The following SPAG16 variants were observed in gnomAD, a reference collection of about 807,000 sequenced individuals.
SPAG16 encodes sperm-associated antigen 16 protein.
In SPAG16, 86 loss-of-function variants were observed where a neutral mutation model predicts 80.4. The observed-to-expected ratio is 1.07, with a 90% CI of 0.90 to 1.28. The LOEUF is 1.28. Ranked by LOEUF, SPAG16 falls within the 50% of genes most tolerant of loss-of-function variation. The pLI, the probability that SPAG16 is intolerant of heterozygous loss-of-function variation, is 0.00. For synonymous variants in SPAG16, 294 were observed against 265.9 expected (o/e 1.11, Z -1.03); for missense variants, 870 against 765.3 (o/e 1.14, Z -1.61).
intron 9 of SPAG16, among the ~76,000 whole-genome samples, chr2:213,405,109 G>C (rs573786335): frequency 1.3e-5 from 2 of 152,090 alleles, no homozygotes; most frequent in Non-Finnish European, 2.9e-5. Context: ...CACTACTGTC[G>C]AGTGTAACAA....
At chr2:213,628,014 A>G (rs2062020343) in intron 10 of SPAG16, among the ~76,000 whole-genome samples, 1 of 152,254 alleles carries the variant, frequency 6.6e-6, no homozygotes, top group Non-Finnish European at 1.5e-5. Context: ...TCAAAGAGAA[A>G]GTAAGACATG....
intron 10 of SPAG16, among the ~76,000 whole-genome samples, chr2:213,704,115 A>G (rs936405283): frequency 1.3e-5 from 2 of 152,202 alleles, no homozygotes; most frequent in East Asian, 3.8e-4. Context: ...CAGCCTTATC[A>G]TCAGAAAGAC....
At chr2:214,037,875 G>A (rs1294330489) in intron 13 of SPAG16, among the ~76,000 whole-genome samples, 183 of 97,196 alleles carry the variant, frequency 1.9e-3, no homozygotes, top group South Asian at 4.7e-3. Context: ...GTGTGTGTGT[G>A]TGTGTGTGTG....
At chr2:214,149,887 A>G (rs1235971439) in intron 15 of SPAG16, among the ~76,000 whole-genome samples, 1 of 152,192 alleles carries the variant, frequency 6.6e-6, no homozygotes, top group East Asian at 1.9e-4. Context: ...TGAACCACAC[A>G]ATAATTCCAG....
At chr2:214,169,105 A>G (rs1465817109) in intron 15 of SPAG16, among the ~76,000 whole-genome samples, 3 of 152,136 alleles carry the variant, frequency 2.0e-5, no homozygotes, top group Non-Finnish European at 4.4e-5. Flanking sequence ...TATCATATGA[A>G]ATAAGATGCC....
chr2:213,297,012 T>C, intron 2 of SPAG16: 1 of 1,248,458 alleles, frequency 8.0e-7, no homozygotes, highest in Non-Finnish European at 1.0e-6. Context: ...GATTACATTT[T>C]CTATTATAGA....
At chr2:213,518,299 C>T (rs1169072469) in intron 10 of SPAG16, among the ~76,000 whole-genome samples, 1 of 152,204 alleles carries the variant, frequency 6.6e-6, no homozygotes, top group Non-Finnish European at 1.5e-5. Context: ...CATGTTCTCA[C>T]TCTGTTACCC....
At chr2:214,303,796 TC>T (rs1447049320) in intron 15 of SPAG16, among the ~76,000 whole-genome samples, 85 of 152,338 alleles carry the variant, frequency 5.6e-4, no homozygotes, top group Non-Finnish European at 7.3e-5. Context: ...AGGTTTTTTT[TC>T]CTTTTTAAAT....
chr2:214,331,093 G>A (rs1411572753), intron 15 of SPAG16, among the ~76,000 whole-genome samples: 1 of 152,092 alleles, frequency 6.6e-6, no homozygotes, highest in Admixed American at 6.6e-5. Flanking sequence ...TGTAGGTCTG[G>A]TGAAGTGACC....
chr2:213,310,241 G>A, intron 4 of SPAG16, 64 bp downstream of exon 4: 1 of 1,171,058 alleles, frequency 8.5e-7, no homozygotes, highest in South Asian at 1.4e-5. Flanking sequence ...ACACTTTTAA[G>A]TGTCTTAGGA....
chr2:213,338,182 C>T (rs959161528), intron 5 of SPAG16, among the ~76,000 whole-genome samples: 1 of 152,132 alleles, frequency 6.6e-6, no homozygotes, highest in Non-Finnish European at 1.5e-5. Context: ...AATTCATCAC[C>T]ACCAGGCCTG....
At chr2:214,008,803 A>C (rs1432589867) in intron 12 of SPAG16, among the ~76,000 whole-genome samples, 1 of 152,162 alleles carries the variant, frequency 6.6e-6, no homozygotes, top group African/African-American at 2.4e-5. Context: ...AGAAATCTAT[A>C]TTAGGTTTTC....
intron 11 of SPAG16, among the ~76,000 whole-genome samples, chr2:213,892,827 T>C (rs2076836640): frequency 1.3e-5 from 2 of 152,046 alleles, no homozygotes; most frequent in African/African-American, 4.8e-5. Context: ...GAAGACTAAA[T>C]TTAAGAATTA....
chr2:213,541,934 A>G (rs1340202709), intron 10 of SPAG16, among the ~76,000 whole-genome samples: 3 of 152,210 alleles, frequency 2.0e-5, no homozygotes, highest in Non-Finnish European at 4.4e-5. Context: ...TGGAGATACC[A>G]ACTTTATGGT....
intron 15 of SPAG16, among the ~76,000 whole-genome samples, chr2:214,325,231 C>T (rs1696392619): frequency 1.3e-5 from 2 of 152,160 alleles, no homozygotes. Context: ...ATGCCTACTA[C>T]TTACCAGGGA....
chr2:213,625,672 T>G (rs1270597844), intron 10 of SPAG16, among the ~76,000 whole-genome samples: 2 of 152,070 alleles, frequency 1.3e-5, no homozygotes, highest in Non-Finnish European at 2.9e-5. Context: ...CTGTTCTTTT[T>G]TTTGTTTGTT....
chr2:213,377,905 T>TATA (rs1559472321), intron 9 of SPAG16, among the ~76,000 whole-genome samples: 4 of 14,522 alleles, frequency 2.8e-4, no homozygotes, highest in African/African-American at 1.5e-3. Context: ...ATATATATAT[T>TATA]TTTTTTTTTT....
intron 9 of SPAG16, among the ~76,000 whole-genome samples, chr2:213,383,427 G>A (rs907947666): frequency 6.6e-6 from 1 of 152,114 alleles, no homozygotes; most frequent in African/African-American, 2.4e-5. Flanking sequence ...CTTATGGGTT[G>A]TCTTGGATGT....
At chr2:213,500,854 T>C (rs2074711099) in intron 10 of SPAG16, among the ~76,000 whole-genome samples, 1 of 152,198 alleles carries the variant, frequency 6.6e-6, no homozygotes, top group East Asian at 1.9e-4. Flanking sequence ...CCTCCTAGTG[T>C]CCAAACAGCT....
Sources: gnomAD v4.1 joint callset for allele counts (sites outside exome capture counted in the v4.1 genomes callset) on GRCh38, gnomAD v4.1.1 for gene constraint, MANE v1.5 for transcripts, NCBI Gene and HGNC (gene_info 2026-07-23, HGNC 2026-07-21) for gene names.